Variants in ANKFY1 observed in about 807,000 individuals in gnomAD.
ANKFY1 encodes the protein ankyrin repeat and FYVE domain containing 1, also known as ankyrin repeat and FYVE domain-containing protein 1.
A neutral mutation model predicts 128.3 loss-of-function variants in ANKFY1; 47 were observed. That is an observed-to-expected ratio of 0.37 (90% CI 0.29 to 0.47). The LOEUF is 0.47. Ranked by LOEUF, ANKFY1 falls within the 20% of genes least tolerant of loss-of-function variation. The pLI is 1.00. For synonymous variants in ANKFY1, 553 were observed against 601.6 expected (o/e 0.92, Z 1.18); for missense variants, 1,222 against 1,510.6 (o/e 0.81, Z 3.17).
chr17:4,250,717 G>C (rs773842265), intron 1 of ANKFY1, among the ~76,000 whole-genome samples: 3 of 151,970 alleles, frequency 2.0e-5, no homozygotes, highest in Non-Finnish European at 4.4e-5. Flanking sequence ...ACCCAGGCTG[G>C]GGTGCAGTGT....
chr17:4,258,228 T>C (rs1356135476), intron 1 of ANKFY1, among the ~76,000 whole-genome samples: 1 of 152,056 alleles, frequency 6.6e-6, no homozygotes, highest in Non-Finnish European at 1.5e-5. Context: ...AATAAACAGA[T>C]AAATTTCAGA....
chr17:4,257,039 T>C (rs1253215563), intron 1 of ANKFY1, among the ~76,000 whole-genome samples: 2 of 152,190 alleles, frequency 1.3e-5, no homozygotes, highest in Non-Finnish European at 2.9e-5. Flanking sequence ...AAAGCAAATA[T>C]GTCCAAAAGT....
At chr17:4,237,626 TACC>T (rs1966975232) in intron 2 of ANKFY1, among the ~76,000 whole-genome samples, 1 of 152,230 alleles carries the variant, frequency 6.6e-6, no homozygotes, top group Non-Finnish European at 1.5e-5. Flanking sequence ...AGAAAATTTC[TACC>T]ACATTCATGA....
intron 16 of ANKFY1, among the ~76,000 whole-genome samples, chr17:4,180,760 CAAAAA>C (rs11392631): frequency 3.1e-4 from 18 of 58,032 alleles, no homozygotes; most frequent in African/African-American, 9.6e-4. Flanking sequence ...GACTCTGTCT[CAAAAA>C]AAAAAAAAAA....
intron 23 of ANKFY1, 46 bp downstream of exon 23, chr17:4,170,669 A>G: frequency 6.4e-7 from 1 of 1,570,630 alleles, no homozygotes; most frequent in Non-Finnish European, 8.6e-7. Flanking sequence ...CGATCCCAAC[A>G]CTACGACTGT....
In ANKFY1 at chr17:4,178,813, G is replaced by A. The variant is rs147988244; in HGVS notation, c.2598+44C>T. On this transcript the variant is annotated intron_variant, in intron 18 of 24. Transcript: ENST00000341657. The surrounding 1 kb of genome is among the most constrained non-coding windows in gnomAD (Gnocchi z 4.1). ...CATCTGTCTAGTCTCCAGGTTCCGC[G>A]ACGCCCAGGACCATGTGGAGAAGGT... 104 of 1,587,510 alleles carry A rather than the reference G, an allele frequency of 6.6e-5. No homozygotes were observed. In the African/African-American group the frequency reaches 1.2e-3, roughly 18 times the overall value.
At position 4,167,725 on chromosome 17, in the gene ANKFY1, A is replaced by G; in HGVS notation, c.*54T>C. 14 of 1,553,068 alleles carry G rather than the reference A, an allele frequency of 9.0e-6. No homozygotes were observed. The South Asian group carries it at 1.3e-4, about 15-fold the overall frequency. On this transcript the variant is annotated 3_prime_UTR_variant, in exon 25 of 25. Coordinates refer to ENST00000341657, the MANE Select transcript of ANKFY1 (RefSeq NM_001330063.2). The surrounding 1 kb of genome is among the most constrained non-coding windows in gnomAD (Gnocchi z 4.1). The stretch of plus-strand genomic sequence containing the variant: ...TGGGTGGGGTCAGGCTGGTGAGCAG[A>G]GCAGCTGCTGGGGAGGTGACCAAGG...
intron 24 of ANKFY1, 129 bp from the exon 25 acceptor site, chr17:4,168,040 A>T: frequency 1.0e-6 from 1 of 975,994 alleles, no homozygotes; most frequent in South Asian, 2.0e-5. Flanking sequence ...AACTCTGCCA[A>T]CTGCCAGCCC....
At chr17:4,202,400 T>TAAA (rs534585731) in intron 7 of ANKFY1, among the ~76,000 whole-genome samples, 1 of 74,470 alleles carries the variant, frequency 1.3e-5, no homozygotes, top group Non-Finnish European at 2.6e-5. Context: ...GACTGTGTCT[T>TAAA]AAAAAAAAAA....
chr17:4,216,468 A>G (rs192029527), intron 4 of ANKFY1: 80 of 168,698 alleles, frequency 4.7e-4, no homozygotes, highest in Non-Finnish European at 4.1e-4. Flanking sequence ...ATGTAATATA[A>G]AAACACAGCA....
chr17:4,187,120 C>A, intron 11 of ANKFY1: 1 of 768,286 alleles, frequency 1.3e-6, no homozygotes, highest in Non-Finnish European at 1.8e-6. Flanking sequence ...GTACACTGTA[C>A]CCAGTATCAC....
At position 4,165,991 on chromosome 17, in the gene ANKFY1, C is replaced by CA. The variant is rs2059204633; in HGVS notation, c.*1787dup. On this transcript the variant is annotated 3_prime_UTR_variant, in exon 25 of 25. Coordinates refer to ENST00000341657, the MANE Select transcript of ANKFY1 (RefSeq NM_001330063.2). ...AAACTGACCACATGCCTCACATGGCCAAATGTTTGCCAAGACTAGCAGAGT... is the reference window on the plus strand; with the variant it reads ...AAACTGACCACATGCCTCACATGGCCAAAATGTTTGCCAAGACTAGCAGAGT... 6.6e-6 allele frequency: 1 copy of CA among 152,162 alleles called. No individual in the cohort carries two copies. Among genetic ancestry groups the CA allele is most frequent in the Non-Finnish European group, 1.5e-5 (1 of 68,024 alleles). 9.4% of individuals were successfully genotyped at this position (152,162 alleles called of 1,614,324 possible). A position where few individuals can be genotyped will look rare whatever the true frequency, so the allele number is the denominator to read the frequency against.
At position 4,250,077 on chromosome 17, in the gene ANKFY1, A is replaced by G. The variant is rs1034142571; in HGVS notation, c.11-7629T>C. On this transcript the variant is annotated intron_variant, in intron 1 of 24. Transcript: ENST00000341657. ...CTCTAGCTTTCTTCCTAACCTTGTT[A>G]CAGACCCTTCACCTCCTATTCTGAC... 2.0e-5 allele frequency among the ~76,000 whole-genome samples: 3 copies of G among 152,164 alleles called. No individual in the cohort carries two copies. In the East Asian group the frequency reaches 5.8e-4, roughly 29 times the overall value.
intron 1 of ANKFY1, among the ~76,000 whole-genome samples, chr17:4,251,395 C>T (rs1363673949): frequency 1.3e-5 from 2 of 151,954 alleles, no homozygotes; most frequent in Non-Finnish European, 1.5e-5. Flanking sequence ...ACTATGATCA[C>T]ATCTGTGAAT....
chr17:4,237,887 G>C (rs568884607), intron 2 of ANKFY1, among the ~76,000 whole-genome samples: 1 of 152,196 alleles, frequency 6.6e-6, no homozygotes, highest in South Asian at 2.1e-4. Context: ...GTTGTAACTG[G>C]AGAGGAGGCA....
chr17:4,236,598 G>A (rs565576820), intron 2 of ANKFY1, among the ~76,000 whole-genome samples: 2 of 152,252 alleles, frequency 1.3e-5, no homozygotes, highest in South Asian at 4.1e-4. Flanking sequence ...GAGAGCATCT[G>A]GGCAGTTAAC....
intron 15 of ANKFY1, 41 bp downstream of exon 15, chr17:4,182,140 T>A (rs1380238932): frequency 1.4e-6 from 2 of 1,421,162 alleles, no homozygotes; most frequent in South Asian, 1.8e-5. Context: ...ACACAACATA[T>A]CCCCATCTGT....
At chr17:4,206,073 A>G (rs2060017728) in intron 7 of ANKFY1, among the ~76,000 whole-genome samples, 2 of 152,246 alleles carry the variant, frequency 1.3e-5, no homozygotes, top group Admixed American at 1.3e-4. Flanking sequence ...ACTTCTTCAC[A>G]CAAGTACCAT....
chr17:4,225,967 T>G (rs768220023), intron 3 of ANKFY1, among the ~76,000 whole-genome samples: 33 of 152,172 alleles, frequency 2.2e-4, no homozygotes, highest in Non-Finnish European at 4.3e-4. Context: ...TTTGCCATGT[T>G]GCCCAGGCTG....
Sources: gnomAD v4.1 joint callset for allele counts (sites outside exome capture counted in the v4.1 genomes callset) on GRCh38, gnomAD v4.1.1 for gene constraint, Gnocchi (gnomAD v3.1) non-coding constraint, MANE v1.5 for transcripts, NCBI Gene and HGNC (gene_info 2026-07-23, HGNC 2026-07-21) for gene names.